The following PIGB variants were observed in gnomAD, a reference collection of about 807,000 sequenced individuals.
PIGB encodes the protein phosphatidylinositol glycan anchor biosynthesis class B, also known as GPI alpha-1,2-mannosyltransferase 3.
A neutral mutation model predicts 68.4 loss-of-function variants in PIGB; 58 were observed. The observed-to-expected ratio is 0.85, with a 90% CI of 0.69 to 1.06. PIGB has a LOEUF of 1.06. PIGB is among the 50% of genes least tolerant of loss of function. The pLI is 0.00. For synonymous variants in PIGB, 219 were observed against 220.5 expected (o/e 0.99, Z 0.06); for missense variants, 634 against 655.8 (o/e 0.97, Z 0.36).
chr15:55,352,312 G>A (rs1056812669), intron 10 of PIGB, among the ~76,000 whole-genome samples: 2 of 152,102 alleles, frequency 1.3e-5, no homozygotes, highest in African/African-American at 4.8e-5. Flanking sequence ...TAGGGAATGC[G>A]ACTAGATGAT....
At chr15:55,323,306 A>G (rs1295527701) in intron 3 of PIGB, among the ~76,000 whole-genome samples, 1 of 152,180 alleles carries the variant, frequency 6.6e-6, no homozygotes, top group Non-Finnish European at 1.5e-5. Flanking sequence ...CTCTTCCCAG[A>G]TGGCTCCTCT....
Position 55,319,262 on chromosome 15 carries a change from C to A in PIGB, c.12C>A (p.Pro4=). The change falls in exon 1 of 12, where the codon CCC becomes CCA. Residue 4 remains proline (P), a synonymous_variant. Coordinates refer to ENST00000164305, the MANE Select transcript of PIGB (RefSeq NM_004855.5). MRR[P]LSKCGMEPGG... ...GGTGGCGGCCAGGGATGAGGAGGCC[C>A]CTAAGCAAGTGCGGAATGGAGCCGG... is the stretch of plus-strand genomic sequence containing the variant. 2 of 1,606,822 alleles carry A rather than the reference C, an allele frequency of 1.2e-6. No homozygotes were observed. Among genetic ancestry groups the A allele is most frequent in the South Asian group, 1.1e-5 (1 of 89,038 alleles).
intron 9 of PIGB, chr15:55,350,326 T>C (rs1566959787): frequency 5.3e-6 from 1 of 189,412 alleles, no homozygotes. Context: ...TTAAAAGTCC[T>C]ATTTATTTAG....
rs373586366 is a variant in PIGB at position 55,350,729 on chromosome 15, A to G, written c.1154A>G (p.Lys385Arg). The change falls in exon 10 of 12, where the codon AAG becomes AGG. Residue 385 changes from lysine (K) to arginine (R), a missense_variant. Physicochemically the swap from Lys to Arg is conservative, Grantham distance 26. Transcript: ENST00000164305. ...GYSLTHLKTW[K>R]KPALSFLFLS... ...TCATTAACCCACCTGAAAACATGGA[A>G]GAAACCAGCTCTAAGTTTCCTGTTT... is the stretch of plus-strand genomic sequence containing the variant. 2 of 1,613,620 alleles carry G rather than the reference A, an allele frequency of 1.2e-6. No individual in the cohort carries two copies. Among genetic ancestry groups the G allele is most frequent in the Non-Finnish European group, 1.7e-6 (2 of 1,179,634 alleles).
chr15:55,346,178 C>T (rs113509181), intron 9 of PIGB, among the ~76,000 whole-genome samples: 4,566 of 152,238 alleles, frequency 0.03, 74 homozygotes, highest in Non-Finnish European at 0.035. Context: ...GTGTGTATAT[C>T]AAGCTAAATA....
chr15:55,349,293 C>CT (rs1191613828), intron 9 of PIGB, among the ~76,000 whole-genome samples: 1 of 152,090 alleles, frequency 6.6e-6, no homozygotes, highest in East Asian at 1.9e-4. Flanking sequence ...GGTGAACCTC[C>CT]TGCCTCAGCC....
At chr15:55,347,452 G>T (rs1332422976) in intron 9 of PIGB, among the ~76,000 whole-genome samples, 1 of 152,158 alleles carries the variant, frequency 6.6e-6, no homozygotes, top group African/African-American at 2.4e-5. Flanking sequence ...CATAAAGACA[G>T]TTCTATTTTA....
Position 55,355,610 on chromosome 15 carries a change from C to G in PIGB, c.*178C>G. 2.3e-6 allele frequency: 1 copy of G among 438,312 alleles called. No individual in the cohort carries two copies. The allele number at this position is 438,312 out of a possible 1,614,324, so 27.2% of individuals were successfully genotyped here. ...CATAGTATAAAATTACATGTTAATA[C>G]AATGCCAGATTTTAAATAAAGACCT... On this transcript the variant is annotated 3_prime_UTR_variant, in exon 12 of 12. Transcript: ENST00000164305.
rs1419336666 is a variant in PIGB at position 55,339,258 on chromosome 15, G to GT, written c.795-4dup. 19 of 1,547,814 alleles carry GT rather than the reference G, an allele frequency of 1.2e-5. No individual in the cohort carries two copies. The highest frequency in any genetic ancestry group is 1.7e-5 in the Non-Finnish European group (19 of 1,144,584). ...AAATGTGAATCACTATGCTATTTTTGTTTTTCAGCTTTGTTACTTTGAGTT... is the reference window on the plus strand; with the variant it reads ...AAATGTGAATCACTATGCTATTTTTGTTTTTTCAGCTTTGTTACTTTGAGTT... On this transcript the variant is annotated splice_polypyrimidine_tract_variant and intron_variant, in intron 6 of 11. Transcript: ENST00000164305.
chr15:55,334,060 T>C (rs1339155952), intron 6 of PIGB, 53 bp downstream of exon 6: 1 of 1,329,302 alleles, frequency 7.5e-7, no homozygotes, highest in Non-Finnish European at 1.0e-6. Flanking sequence ...AAATCACAGA[T>C]TACGAACAAG....
chr15:55,332,233 A>G (rs2055433237), intron 5 of PIGB, among the ~76,000 whole-genome samples: 1 of 151,954 alleles, frequency 6.6e-6, no homozygotes, highest in South Asian at 2.1e-4. Context: ...TCGGCCTCCC[A>G]AAGTGCTGGG....
intron 3 of PIGB, 44 bp downstream of exon 3, chr15:55,321,434 ATT>A (rs763010126): frequency 3.4e-5 from 51 of 1,515,744 alleles, no homozygotes; most frequent in Admixed American, 4.3e-5. Flanking sequence ...GGGCCATGGA[ATT>A]TGTTTTTAAA....
chr15:55,328,318 G>A lies in PIGB; in HGVS notation c.522+683G>A, dbSNP rs145877112. Among the ~76,000 whole-genome samples, 194 of 152,244 alleles carry A rather than the reference G, an allele frequency of 1.3e-3. 2 individuals carry two copies. The highest frequency in any genetic ancestry group is 4.5e-3 in the African/African-American group (186 of 41,542). ...AGGGATTGGATTCTGTAGTACTGTC[G>A]TTAATTCACTTGGCTCTTTGTAAAG... is the stretch of plus-strand genomic sequence containing the variant. On this transcript the variant is annotated intron_variant, in intron 4 of 11. Transcript: ENST00000164305.
intron 10 of PIGB, among the ~76,000 whole-genome samples, chr15:55,353,516 T>C (rs1446906388): frequency 1.9e-5 from 2 of 105,602 alleles, no homozygotes; most frequent in East Asian, 3.9e-4. Flanking sequence ...CCTAAGGCAA[T>C]TATAAACATG....
rs767490659 is a variant in PIGB, at chr15:55,340,500, G to A, written c.847-112G>A. 3 of 627,490 alleles carry A rather than the reference G, an allele frequency of 4.8e-6. 1 individual carries two copies. The highest frequency in any genetic ancestry group is 8.8e-4 in the Middle Eastern group (2 of 2,264). The allele number at this position is 627,490 out of a possible 1,614,324, so 38.9% of individuals were successfully genotyped here. ...AATTATTAATGTAAACTATTGCCTG[G>A]TTTTTAGACTTCAATTCTGATTTAA... On this transcript the variant is annotated intron_variant, in intron 7 of 11. Transcript: ENST00000164305.
chr15:55,355,069 T>C, intron 11 of PIGB, 91 bp downstream of exon 11: 2 of 1,122,928 alleles, frequency 1.8e-6, no homozygotes, highest in South Asian at 2.9e-5. Context: ...ATAACCTTTT[T>C]ATGGTCTGTT....
intron 9 of PIGB, among the ~76,000 whole-genome samples, chr15:55,347,407 G>GA (rs1159497864): frequency 6.6e-6 from 1 of 152,230 alleles, no homozygotes; most frequent in Non-Finnish European, 1.5e-5. Flanking sequence ...CCGCCTGGGC[G>GA]AAAGAGCGAG....
At position 55,321,373 on chromosome 15, in the gene PIGB, G is replaced by C; in HGVS notation, c.400G>C (p.Asp134His). 1.2e-6 allele frequency: 2 copies of C among 1,602,214 alleles called. No individual in the cohort carries two copies. The highest frequency in any genetic ancestry group is 1.1e-5 in the South Asian group (1 of 88,576). ...IYKILHLLGK[D>H]SVQLLIWIPR... ...CAAGATTCTTCATCTTTTAGGGAAA[G>C]ATAGTGTTCAGTTGCTGGTAAGTTT... The change falls in exon 3 of 12, where the codon GAT becomes CAT. Residue 134 changes from aspartate to histidine, a missense_variant. Physicochemically the swap from Asp to His is moderately conservative, Grantham distance 81. Coordinates refer to ENST00000164305, the MANE Select transcript of PIGB (RefSeq NM_004855.5).
intron 5 of PIGB, among the ~76,000 whole-genome samples, chr15:55,333,043 A>G (rs926557372): frequency 1.3e-5 from 2 of 152,128 alleles, no homozygotes; most frequent in African/African-American, 4.8e-5. Flanking sequence ...TCTTAGAGAA[A>G]GCCTCTCTTT....
Sources: gnomAD v4.1 joint callset for allele counts (sites outside exome capture counted in the v4.1 genomes callset) on GRCh38, gnomAD v4.1.1 for gene constraint, MANE v1.5 for transcripts, NCBI Gene and HGNC (gene_info 2026-07-23, HGNC 2026-07-21) for gene names.